SLC2A9: variants seen among roughly 807,000 people sequenced by gnomAD.
SLC2A9 encodes solute carrier family 2, facilitated glucose transporter member 9.
SLC2A9 carries 39 observed loss-of-function variants against 50.6 expected under a neutral mutation model. The observed-to-expected ratio is 0.77, with a 90% CI of 0.60 to 1.01. The LOEUF (loss-of-function observed/expected upper bound fraction) is 1.01. Among genes scored for constraint, SLC2A9 ranks in the 50% least tolerant of loss-of-function variants. The probability of loss-of-function intolerance (pLI) is 0.00; values close to 1 mark genes in which losing one functional copy is unlikely to be tolerated. For missense variants in SLC2A9, 686 were observed against 677.6 expected (o/e 1.01, Z -0.14); for synonymous variants, 324 against 276.9 (o/e 1.17, Z -1.69).
intron 3 of SLC2A9, among the ~76,000 whole-genome samples, chr4:9,785,369 C>T (rs1054626935): frequency 1.4e-4 from 22 of 152,254 alleles, no homozygotes; most frequent in African/African-American, 5.3e-4. Context: ...TTCTCCTGTG[C>T]ATGATGCATC....
At chr4:9,812,524 C>G (rs1388099619) in intron 3 of SLC2A9, among the ~76,000 whole-genome samples, 1 of 150,244 alleles carries the variant, frequency 6.7e-6, no homozygotes, top group East Asian at 1.9e-4. Context: ...TGGTTTGAAA[C>G]TATAAGCCCT....
chr4:9,898,167 T>C (rs1338589339), intron 8 of SLC2A9, among the ~76,000 whole-genome samples: 1 of 152,166 alleles, frequency 6.6e-6, no homozygotes, highest in Non-Finnish European at 1.5e-5. Context: ...CACATTGTTT[T>C]GGCAGCCTGG....
intron 5 of SLC2A9, among the ~76,000 whole-genome samples, chr4:9,950,715 A>ATCTC (rs1398691807): frequency 0.073 from 7,131 of 97,620 alleles, 1,829 homozygotes; most frequent in African/African-American, 0.14. Flanking sequence ...AACACGGTGA[A>ATCTC]ACCCTGTCTC....
chr4:9,877,893 C>A (rs1176942344), intron 10 of SLC2A9, among the ~76,000 whole-genome samples: 1 of 152,166 alleles, frequency 6.6e-6, no homozygotes, highest in Non-Finnish European at 1.5e-5. Flanking sequence ...CTGCTGTGTG[C>A]AATCCTAAGA....
chr4:9,985,298 T>C lies in SLC2A9; in HGVS notation c.535+371A>G, dbSNP rs1489986398. 3.3e-5 allele frequency among the ~76,000 whole-genome samples: 5 copies of C among 152,134 alleles called. No individual in the cohort carries two copies. In the East Asian group the frequency reaches 9.6e-4, roughly 29 times the overall value. Reference sequence around the variant, plus strand: ...CCTGGCGAGTAAATGAAATAACGAATGAGTCAGAGGCCCAGAGAAGAAACC... The same window carrying C: ...CCTGGCGAGTAAATGAAATAACGAACGAGTCAGAGGCCCAGAGAAGAAACC... On this transcript the variant is annotated intron_variant, in intron 4 of 11. Coordinates refer to ENST00000264784, the MANE Select transcript of SLC2A9 (RefSeq NM_020041.3).
intron 10 of SLC2A9, among the ~76,000 whole-genome samples, chr4:9,863,860 G>A (rs1013514431): frequency 4.6e-5 from 7 of 152,190 alleles, no homozygotes; most frequent in Non-Finnish European, 8.8e-5. Flanking sequence ...CCAAGAAGTC[G>A]AGTTGATGTA....
chr4:9,982,180 C>T (rs910694526), intron 4 of SLC2A9, among the ~76,000 whole-genome samples: 11 of 152,178 alleles, frequency 7.2e-5, no homozygotes, highest in Admixed American at 2.0e-4. Context: ...GCGCCCGGAC[C>T]GGCTTTAAAT....
At chr4:9,802,420 G>A (rs555758410) in intron 3 of SLC2A9, among the ~76,000 whole-genome samples, 14 of 152,174 alleles carry the variant, frequency 9.2e-5, no homozygotes, top group African/African-American at 2.2e-4. Flanking sequence ...GACAGCCAGC[G>A]CCATACTTGG....
In SLC2A9 at chr4:9,879,835, C is replaced by T. The variant is rs957270210; in HGVS notation, c.1291+7732G>A. 6.1e-6 allele frequency: 6 copies of T among 985,324 alleles called. No homozygotes were observed. In the African/African-American group the frequency reaches 1.0e-4, roughly 17 times the overall value. The allele number at this position is 985,324 out of a possible 1,614,324, so 61.0% of individuals were successfully genotyped here. On this transcript the variant is annotated intron_variant, in intron 10 of 11. Coordinates refer to ENST00000264784, the MANE Select transcript of SLC2A9 (RefSeq NM_020041.3). ...AAGGTGAAGCTCTTTTATTTTGCCTCATTTATTAGACTTCCCTGCCACTGC... is the reference window on the plus strand; with the variant it reads ...AAGGTGAAGCTCTTTTATTTTGCCTTATTTATTAGACTTCCCTGCCACTGC...
intron 6 of SLC2A9, among the ~76,000 whole-genome samples, chr4:9,921,409 C>A (rs1239526526): frequency 6.6e-6 from 1 of 152,158 alleles, no homozygotes; most frequent in Non-Finnish European, 1.5e-5. Flanking sequence ...TCATGGGGTG[C>A]ACTTTTGGAC....
downstream of SLC2A9, among the ~76,000 whole-genome samples, chr4:9,778,718 C>A (rs898017841): frequency 7.2e-5 from 11 of 152,188 alleles, no homozygotes; most frequent in Admixed American, 6.5e-4. Context: ...GGAGCACCGC[C>A]CAGGTCAAGA....
At chr4:9,782,024 C>T (rs563430281) in intron 3 of SLC2A9, 48 of 1,457,906 alleles carry the variant, frequency 3.3e-5, no homozygotes, top group Middle Eastern at 1.8e-4. Context: ...TGCAGTCCAG[C>T]CCGAAATGCT....
chr4:9,888,343 A>T (rs2109753545), intron 9 of SLC2A9, among the ~76,000 whole-genome samples: 1 of 152,068 alleles, frequency 6.6e-6, no homozygotes, highest in East Asian at 1.9e-4. Context: ...TATTTTGCTT[A>T]AAAGAAGTTA....
intron 11 of SLC2A9, among the ~76,000 whole-genome samples, chr4:9,829,715 T>G (rs535945389): frequency 6.6e-6 from 1 of 151,990 alleles, no homozygotes; most frequent in Non-Finnish European, 1.5e-5. Context: ...CACACACAGA[T>G]GCTTCTCAAA....
intron 3 of SLC2A9, among the ~76,000 whole-genome samples, chr4:9,791,646 T>C (rs1719932618): frequency 6.6e-6 from 1 of 152,132 alleles, no homozygotes; most frequent in Non-Finnish European, 1.5e-5. Context: ...AGAGGCCCAG[T>C]AGCAAGAAAC....
In SLC2A9 at chr4:9,843,870, GACTA is replaced by G. The variant is rs1437165468; in HGVS notation, c.1292-8866_1292-8863del. The stretch of plus-strand genomic sequence containing the variant: ...CCATGGACACTGAGCCACACTTGTT[GACTA>G]ACTGTTTTTCCTGAGTGGGTGGTTT... On this transcript the variant is annotated intron_variant, in intron 10 of 11. Transcript: ENST00000264784. Among the ~76,000 whole-genome samples the G allele has an allele frequency of 2.0e-5, 3 of 152,230 alleles. No individual in the cohort carries two copies. The East Asian group carries it at 5.8e-4, about 29-fold the overall frequency.
chr4:9,829,087 C>T (rs1725601561), intron 11 of SLC2A9, among the ~76,000 whole-genome samples: 1 of 152,172 alleles, frequency 6.6e-6, no homozygotes, highest in South Asian at 2.1e-4. Context: ...ATTATTCTCA[C>T]AGTTTCACAA....
intron 5 of SLC2A9, among the ~76,000 whole-genome samples, chr4:9,960,564 C>T (rs1474110237): frequency 6.6e-6 from 1 of 152,206 alleles, no homozygotes; most frequent in Non-Finnish European, 1.5e-5. Context: ...AAGGCACCCA[C>T]AGCATGTGAA....
intron 2 of SLC2A9, among the ~76,000 whole-genome samples, chr4:10,001,996 A>G (rs1759915189): frequency 6.6e-6 from 1 of 152,182 alleles, no homozygotes; most frequent in South Asian, 2.1e-4. Context: ...ACTTTGATCA[A>G]GGTGTTACTG....
Sources: allele counts gnomAD v4.1 joint callset (sites outside exome capture counted in the v4.1 genomes callset), GRCh38; gene constraint gnomAD v4.1.1; transcripts MANE v1.5; gene names NCBI Gene and HGNC (gene_info 2026-07-23, HGNC 2026-07-21).